The following LRRTM3 variants were observed in gnomAD, a reference collection of about 807,000 sequenced individuals.
The protein encoded by LRRTM3 is leucine rich repeat transmembrane neuronal 3.
LRRTM3 carries 24 observed loss-of-function variants against 44.7 expected under a neutral mutation model. The observed-to-expected ratio is 0.54, with a 90% CI of 0.39 to 0.76. The LOEUF (loss-of-function observed/expected upper bound fraction) is 0.76, where lower values mean the gene tolerates loss of function less well. LRRTM3 is among the 30% of genes least tolerant of loss of function. The pLI is 0.00. For synonymous variants in LRRTM3, 277 were observed against 278.7 expected (o/e 0.99, Z 0.06); for missense variants, 587 against 702.2 (o/e 0.84, Z 1.85).
chr10:67,085,541 A>G (rs1857257499), intron 2 of LRRTM3, among the ~76,000 whole-genome samples: 1 of 151,966 alleles, frequency 6.6e-6, no homozygotes, highest in Non-Finnish European at 1.5e-5. Flanking sequence ...TTAGAAGTTG[A>G]TCTTTATTAA....
chr10:67,052,313 A>ACTCTCTCT (rs3841706), intron 2 of LRRTM3, among the ~76,000 whole-genome samples: 5,234 of 120,810 alleles, frequency 0.043, 153 homozygotes, highest in South Asian at 0.067. Context: ...CCCACTCATC[A>ACTCTCTCT]CTCTCTCTCT....
At chr10:67,092,276 G>A (rs959288178) in intron 2 of LRRTM3, among the ~76,000 whole-genome samples, 1 of 151,760 alleles carries the variant, frequency 6.6e-6, no homozygotes, top group Admixed American at 6.6e-5. Flanking sequence ...TGATATATGA[G>A]GAGAGCATGA....
rs1325844200 is a variant in LRRTM3, at chr10:66,927,598, T to C, written c.682T>C (p.Leu228=). ...SKLNLALFPR[L]VSLQNLYLQW... ...GCTCAACCTGGCCCTTTTTCCAAGG[T>C]TGGTCAGCCTTCAGAACCTTTACTT... The change falls in exon 2 of 3, where the codon TTG becomes CTG. Residue 228 remains leucine (L), a synonymous_variant. Transcript: ENST00000361320. The surrounding 1 kb of genome is among the most constrained non-coding windows in gnomAD (Gnocchi z 4.7). 6.2e-7 allele frequency: 1 copy of C among 1,614,176 alleles called. No individual in the cohort carries two copies. Among genetic ancestry groups the C allele is most frequent in the South Asian group, 1.1e-5 (1 of 91,076 alleles).
intron 2 of LRRTM3, among the ~76,000 whole-genome samples, chr10:67,055,271 T>C (rs1855354277): frequency 2.6e-5 from 4 of 152,160 alleles, no homozygotes; most frequent in Admixed American, 2.6e-4. Context: ...TTAGTACAAG[T>C]ATTAAAACTT....
At chr10:67,012,949 T>TA (rs1264339362) in intron 2 of LRRTM3, 4 of 152,130 alleles carry the variant, frequency 2.6e-5, no homozygotes, top group African/African-American at 9.7e-5. Flanking sequence ...TTCATGATTT[T>TA]AAAAAAACCA....
Position 66,928,246 on chromosome 10 carries a change from C to T in LRRTM3, c.1330C>T (p.Arg444Trp). The T allele has an allele frequency of 6.2e-7, 1 of 1,614,130 alleles. No homozygotes were observed. Among genetic ancestry groups the T allele is most frequent in the African/African-American group, 1.3e-5 (1 of 75,032 alleles). Residue 444 changes from arginine to tryptophan, a missense_variant, in exon 2 of 3, where the codon CGG (arginine) becomes TGG (tryptophan). Around this residue, in one of 3 missense-constraint regions of LRRTM3, gnomAD observed 315 missense variants for 335.6 expected, o/e 0.94. Coordinates refer to ENST00000361320, the MANE Select transcript of LRRTM3 (RefSeq NM_178011.5). ...ILLVIYVSWKRYPASMKQLQQ... is the reference protein window; with the variant it reads ...ILLVIYVSWKWYPASMKQLQQ... Reference sequence around the variant, plus strand: ...GCTGGTTATCTACGTGTCATGGAAGCGGTACCCTGCGAGCATGAAGCAGCT... The same window carrying T: ...GCTGGTTATCTACGTGTCATGGAAGTGGTACCCTGCGAGCATGAAGCAGCT...
chr10:66,985,808 A>G (rs982098273), intron 2 of LRRTM3, among the ~76,000 whole-genome samples: 1 of 152,074 alleles, frequency 6.6e-6, no homozygotes, highest in African/African-American at 2.4e-5. Flanking sequence ...GGTCACTGCA[A>G]TCTTCACCTC....
chr10:66,987,707 T>C (rs1850811880), intron 2 of LRRTM3, among the ~76,000 whole-genome samples: 1 of 152,146 alleles, frequency 6.6e-6, no homozygotes, highest in Non-Finnish European at 1.5e-5. Flanking sequence ...AAACATAGAA[T>C]ATAAACATAA....
Position 67,009,977 on chromosome 10 carries a change from T to C in LRRTM3, c.1536+81525T>C, listed in dbSNP as rs533902784. 7.2e-5 allele frequency among the ~76,000 whole-genome samples: 11 copies of C among 152,300 alleles called. No individual in the cohort carries two copies. The South Asian group carries it at 2.3e-3, about 32-fold the overall frequency. The stretch of plus-strand genomic sequence containing the variant: ...AAGAACCCTGTCATTCTAGTATAGA[T>C]TCTTCTTCAGCTACCTGTCCTGGAG... On this transcript the variant is annotated intron_variant, in intron 2 of 2. Coordinates refer to ENST00000361320, the MANE Select transcript of LRRTM3 (RefSeq NM_178011.5).
chr10:66,943,811 AG>A (rs1300088620), intron 2 of LRRTM3, among the ~76,000 whole-genome samples: 2 of 152,234 alleles, frequency 1.3e-5, no homozygotes, highest in Non-Finnish European at 2.9e-5. Flanking sequence ...TGAATATAAA[AG>A]CTATGTTTAT....
intron 2 of LRRTM3, among the ~76,000 whole-genome samples, chr10:66,977,320 C>T (rs916856060): frequency 6.6e-6 from 1 of 151,940 alleles, no homozygotes; most frequent in Non-Finnish European, 1.5e-5. Context: ...CCTGTAGTCC[C>T]AGCTACTCAG....
intron 2 of LRRTM3, among the ~76,000 whole-genome samples, chr10:66,993,873 AT>A (rs1243396703): frequency 1.3e-5 from 2 of 151,898 alleles, no homozygotes; most frequent in African/African-American, 4.8e-5. Context: ...TTCTTATCCG[AT>A]TTATTCTTAG....
At chr10:66,956,102 C>A (rs947673916) in intron 2 of LRRTM3, among the ~76,000 whole-genome samples, 2 of 152,018 alleles carry the variant, frequency 1.3e-5, no homozygotes, top group Non-Finnish European at 2.9e-5. Context: ...AGGTACCTGA[C>A]CACCCAAGGA....
At chr10:66,937,732 A>G (rs1250172435) in intron 2 of LRRTM3, among the ~76,000 whole-genome samples, 1 of 152,088 alleles carries the variant, frequency 6.6e-6, no homozygotes, top group Non-Finnish European at 1.5e-5. Flanking sequence ...AAAGTAGCCC[A>G]TGCTTCCCAA....
intron 2 of LRRTM3, among the ~76,000 whole-genome samples, chr10:67,084,006 T>A (rs1035981651): frequency 6.6e-6 from 1 of 152,110 alleles, no homozygotes; most frequent in Non-Finnish European, 1.5e-5. Flanking sequence ...TCAATGCCAG[T>A]TCAAGGAAGA....
At chr10:67,042,651 C>A (rs1854476565) in intron 2 of LRRTM3, among the ~76,000 whole-genome samples, 1 of 151,294 alleles carries the variant, frequency 6.6e-6, no homozygotes, top group Non-Finnish European at 1.5e-5. Context: ...GAGGAAAAGT[C>A]AAGTAGGGTG....
chr10:67,030,724 G>A (rs1003848178), intron 2 of LRRTM3, among the ~76,000 whole-genome samples: 3 of 152,078 alleles, frequency 2.0e-5, no homozygotes, highest in South Asian at 4.1e-4. Context: ...GAAAAGTACC[G>A]GTCAGATGCG....
At chr10:67,001,625 A>G (rs1379049229) in intron 2 of LRRTM3, among the ~76,000 whole-genome samples, 2 of 152,172 alleles carry the variant, frequency 1.3e-5, no homozygotes, top group Admixed American at 1.3e-4. Context: ...TTTAATACTC[A>G]AAAAGAATAA....
rs1188602720 is a variant in LRRTM3 at position 66,928,367 on chromosome 10, A to G, written c.1451A>G (p.Lys484Arg). 1 of 1,614,122 alleles carries G rather than the reference A, an allele frequency of 6.2e-7. No homozygotes were observed. Among genetic ancestry groups the G allele is most frequent in the Non-Finnish European group, 8.5e-7 (1 of 1,180,030 alleles). The change falls in exon 2 of 3, where the codon AAA becomes AGA. Residue 484 changes from lysine to arginine, a missense_variant. Transcript: ENST00000361320. ...PSTQEFYVDY[K>R]PTNTETSEML... is the part of the protein sequence containing the mutation. ...ACCCAGGAATTTTATGTAGATTATA[A>G]ACCCACCAACACGGAGACCAGCGAG...
Sources: allele counts gnomAD v4.1 joint callset (sites outside exome capture counted in the v4.1 genomes callset), GRCh38; gene constraint gnomAD v4.1.1; regional missense constraint gnomAD v4.1.1; non-coding constraint Gnocchi (gnomAD v3.1); transcripts MANE v1.5; gene names NCBI Gene and HGNC (gene_info 2026-07-23, HGNC 2026-07-21).